Variants in VPS13B observed in about 807,000 individuals in gnomAD.
The protein encoded by VPS13B is vacuolar protein sorting 13 homolog B.
VPS13B carries 285 observed loss-of-function variants against 426.4 expected under a neutral mutation model. The ratio of observed to expected loss-of-function variants is 0.67; its 90% CI spans 0.61 to 0.74. The LOEUF is 0.74. Ranked by LOEUF, VPS13B falls within the 30% of genes least tolerant of loss-of-function variation. The pLI, the probability that VPS13B is intolerant of heterozygous loss-of-function variation, is 0.00. For missense variants in VPS13B, 4,537 were observed against 4,782.6 expected (o/e 0.95, Z 1.51); for synonymous variants, 1,676 against 1,676.4 (o/e 1.00, Z 0.01).
chr8:99,526,056 A>AT (rs1822624342), intron 30 of VPS13B, among the ~76,000 whole-genome samples: 2 of 141,214 alleles, frequency 1.4e-5, no homozygotes, highest in Non-Finnish European at 3.1e-5. Flanking sequence ...ATTTTGAAAT[A>AT]TGTAATGCTT....
chr8:99,265,312 G>A (rs911150024), intron 17 of VPS13B, among the ~76,000 whole-genome samples: 1 of 152,076 alleles, frequency 6.6e-6, no homozygotes. Flanking sequence ...TAGGGGAATT[G>A]GACACAATTC....
chr8:99,740,840 G>A (rs1411590911), intron 39 of VPS13B, among the ~76,000 whole-genome samples: 1 of 151,772 alleles, frequency 6.6e-6, no homozygotes, highest in African/African-American at 2.4e-5. Flanking sequence ...ACATGGAAAG[G>A]AACAACCAGT....
chr8:99,529,110 T>A (rs549806549), intron 30 of VPS13B, among the ~76,000 whole-genome samples: 1 of 152,274 alleles, frequency 6.6e-6, no homozygotes, highest in East Asian at 1.9e-4. Flanking sequence ...TTACATTTTT[T>A]AAAATAAAAA....
At chr8:99,534,168 A>G (rs1588470069) in intron 30 of VPS13B, among the ~76,000 whole-genome samples, 1 of 152,124 alleles carries the variant, frequency 6.6e-6, no homozygotes, top group South Asian at 2.1e-4. Context: ...GCGTCATGGT[A>G]TTCTGCTGAT....
intron 33 of VPS13B, among the ~76,000 whole-genome samples, chr8:99,604,538 C>T (rs200003531): frequency 1.4e-4 from 17 of 121,998 alleles, no homozygotes; most frequent in East Asian, 5.7e-4. Flanking sequence ...CTTGCTCTGT[C>T]GCCCAGGCTG....
chr8:99,570,752 C>A (rs1403876121), intron 31 of VPS13B, among the ~76,000 whole-genome samples: 1 of 151,992 alleles, frequency 6.6e-6, no homozygotes, highest in East Asian at 1.9e-4. Flanking sequence ...AGAAGCTTAT[C>A]TTCAATGATC....
chr8:99,201,585 A>G (rs1226361342), intron 17 of VPS13B, among the ~76,000 whole-genome samples: 4 of 152,180 alleles, frequency 2.6e-5, no homozygotes, highest in Admixed American at 2.6e-4. Context: ...AAGAGGCTTT[A>G]AGAGAATATC....
At chr8:99,555,748 A>C (rs1563793585) in intron 30 of VPS13B, among the ~76,000 whole-genome samples, 1 of 152,154 alleles carries the variant, frequency 6.6e-6, no homozygotes, top group Non-Finnish European at 1.5e-5. Context: ...TTAACTTTAC[A>C]GATTATTTTA....
chr8:99,615,208 A>G (rs1250005482), intron 33 of VPS13B, among the ~76,000 whole-genome samples: 4 of 152,156 alleles, frequency 2.6e-5, no homozygotes, highest in South Asian at 4.1e-4. Context: ...TTTCAATGTA[A>G]TAATTACTCA....
intron 30 of VPS13B, among the ~76,000 whole-genome samples, chr8:99,526,820 G>C (rs1822668276): frequency 6.6e-6 from 1 of 152,128 alleles, no homozygotes; most frequent in Admixed American, 6.5e-5. Flanking sequence ...TAAATTTACT[G>C]TGTTTCCAAA....
intron 19 of VPS13B, among the ~76,000 whole-genome samples, chr8:99,319,729 G>A (rs1308352204): frequency 6.6e-6 from 1 of 152,128 alleles, no homozygotes; most frequent in Non-Finnish European, 1.5e-5. Flanking sequence ...CACAGCCTTG[G>A]ATTTGATTCT....
Position 99,853,497 on chromosome 8 carries a change from A to T in VPS13B, c.10108A>T (p.Ser3370Cys). ...ATTTAAAATGTTCATCACTCAGTTA[A>T]GCCTGGCAGTGTTTGATGACCTCAC... is the stretch of plus-strand genomic sequence containing the variant. ...VTFKMFITQL[S>C]LAVFDDLTHH... Residue 3370 changes from serine (S) to cysteine (C), a missense_variant, in exon 56 of 62, where the codon AGC becomes TGC. This residue lies in a region of VPS13B where 4,311 missense variants were observed against 4,474.3 expected (regional missense o/e 0.96). Transcript: ENST00000357162. 3 of 1,614,190 alleles carry T rather than the reference A, an allele frequency of 1.9e-6. No homozygotes were observed. The highest frequency in any genetic ancestry group is 2.5e-6 in the Non-Finnish European group (3 of 1,180,040).
At chr8:99,668,481 A>G (rs1273638671) in intron 35 of VPS13B, among the ~76,000 whole-genome samples, 1 of 152,036 alleles carries the variant, frequency 6.6e-6, no homozygotes, top group African/African-American at 2.4e-5. Flanking sequence ...TTTTAGATGT[A>G]TTTTGCAGGG....
chr8:99,531,850 A>C (rs1246760469), intron 30 of VPS13B, among the ~76,000 whole-genome samples: 1 of 152,110 alleles, frequency 6.6e-6, no homozygotes, highest in African/African-American at 2.4e-5. Context: ...GACCACCTAT[A>C]TCATTGCTCT....
chr8:99,776,749 C>G (rs1004695612), intron 40 of VPS13B, 26 bp from the exon 41 acceptor site: 6 of 1,613,546 alleles, frequency 3.7e-6, no homozygotes, highest in Non-Finnish European at 4.2e-6. Flanking sequence ...GGTTATTGAA[C>G]TTCTTTTATC....
intron 33 of VPS13B, among the ~76,000 whole-genome samples, chr8:99,623,021 A>G (rs927201973): frequency 6.6e-6 from 1 of 152,196 alleles, no homozygotes; most frequent in Non-Finnish European, 1.5e-5. Context: ...ACCTAAGTCA[A>G]GTGAGTCTCT....
At chr8:99,525,969 A>G (rs992540005) in intron 30 of VPS13B, among the ~76,000 whole-genome samples, 2 of 152,292 alleles carry the variant, frequency 1.3e-5, no homozygotes, top group Admixed American at 1.3e-4. Flanking sequence ...GAAGATCCAT[A>G]TAGGTCGTTG....
At chr8:99,867,633 C>T (rs1412552877) in intron 58 of VPS13B, among the ~76,000 whole-genome samples, 3 of 152,112 alleles carry the variant, frequency 2.0e-5, no homozygotes, top group Non-Finnish European at 4.4e-5. Context: ...ACTCCTTAAC[C>T]TCTGTGCCTC....
chr8:99,671,844 G>T (rs1830730226), intron 35 of VPS13B, among the ~76,000 whole-genome samples: 1 of 152,028 alleles, frequency 6.6e-6, no homozygotes. Context: ...TTCTGCATGG[G>T]CTAGCTAGCT....
Sources: allele counts gnomAD v4.1 joint callset (sites outside exome capture counted in the v4.1 genomes callset), GRCh38; gene constraint gnomAD v4.1.1; regional missense constraint gnomAD v4.1.1; transcripts MANE v1.5; gene names NCBI Gene and HGNC (gene_info 2026-07-23, HGNC 2026-07-21).